Variants in TEX15 observed in about 807,000 individuals in gnomAD.
TEX15 encodes testis-expressed protein 15.
In TEX15, 171 loss-of-function variants were observed where a neutral mutation model predicts 237.3. That is an observed-to-expected ratio of 0.72 (90% CI 0.64 to 0.82). The LOEUF (loss-of-function observed/expected upper bound fraction) is 0.82, where lower values mean the gene tolerates loss of function less well. Among genes scored for constraint, TEX15 ranks in the 40% least tolerant of loss-of-function variants. TEX15 has a pLI of 0.00. For synonymous variants in TEX15, 1,338 were observed against 1,269.8 expected, an observed-to-expected ratio of 1.05 and a Z score of -1.14; for missense variants, 3,750 against 3,646.5, an observed-to-expected ratio of 1.03 and a Z score of -0.73.
At chr8:30,892,150 C>G (rs1808807008) in intron 2 of TEX15, among the ~76,000 whole-genome samples, 1 of 152,116 alleles carries the variant, frequency 6.6e-6, no homozygotes, top group South Asian at 2.1e-4. Flanking sequence ...ACCTTTAAGT[C>G]TTTACTTTGC....
rs1381094759 is a variant in TEX15, at chr8:30,860,073, C to G, written c.541-16G>C. 109 of 1,370,810 alleles carry G rather than the reference C, an allele frequency of 8.0e-5. No individual in the cohort carries two copies. Among genetic ancestry groups the G allele is most frequent in the Non-Finnish European group, 1.0e-4 (107 of 1,042,442 alleles). 84.9% of individuals were successfully genotyped at this position (1,370,810 alleles called of 1,614,324 possible). A position where few individuals can be genotyped will look rare whatever the true frequency, so the allele number is the denominator to read the frequency against. ...CAAAGAGAACCTAAAAAAAAAAAAGCCAAAAAAAAAGTACGTAAAAATATA... is the reference window on the plus strand; with the variant it reads ...CAAAGAGAACCTAAAAAAAAAAAAGGCAAAAAAAAAGTACGTAAAAATATA... On this transcript the variant is annotated splice_polypyrimidine_tract_variant and intron_variant, in intron 5 of 10. Coordinates refer to ENST00000643185, the MANE Select transcript of TEX15 (RefSeq NM_001350162.2).
At chr8:30,858,580 G>T in intron 7 of TEX15, 88 bp downstream of exon 7, 3 of 1,192,322 alleles carry the variant, frequency 2.5e-6, no homozygotes, top group Non-Finnish European at 3.4e-6. Context: ...TTACAGGTGT[G>T]AACCATTGTG....
intron 3 of TEX15, among the ~76,000 whole-genome samples, chr8:30,883,839 G>T (rs1246530134): frequency 1.3e-5 from 2 of 152,188 alleles, no homozygotes; most frequent in Middle Eastern, 3.2e-3. Context: ...ATGGCAGAAT[G>T]ATTTATATTC....
At position 30,837,158 on chromosome 8, in the gene TEX15, A is replaced by C. The variant is rs1169473023; in HGVS notation, c.9126T>G (p.Ser3042=). 2 of 1,614,094 alleles carry C rather than the reference A, an allele frequency of 1.2e-6. No homozygotes were observed. Among genetic ancestry groups the C allele is most frequent in the South Asian group, 1.1e-5 (1 of 91,080 alleles). ...TGCTGTACTGATAAACACACCAAGC[A>C]GAGTATGGATATGAAGTTCCAAATA... ...EHLFGTSYPY[S]AWCVYQYSNS... Residue 3042 remains serine, a synonymous_variant, in exon 10 of 11, where the codon TCT becomes TCG. Transcript: ENST00000643185.
At chr8:30,881,729 C>T (rs911357148) in intron 3 of TEX15, among the ~76,000 whole-genome samples, 2 of 150,858 alleles carry the variant, frequency 1.3e-5, no homozygotes, top group African/African-American at 4.9e-5. Context: ...TCACACGATT[C>T]TCCTGTCTCA....
Position 30,842,101 on chromosome 8 carries a change from G to T in TEX15, c.8066C>A (p.Ser2689Ter), listed in dbSNP as rs761374106. ...PVSECINKNI[S>*]NSSKKRPSTV... is the part of the protein sequence containing the mutation. ...GCTCGGTCGTTTTTTAGAGGAATTT[G>T]AGATGTTTTTGTTTATGCACTCTGA... Residue 2689 changes from serine to a stop codon, truncating the protein, a stop_gained, in exon 8 of 11, where the codon TCA (serine) becomes TAA (stop). Transcript: ENST00000643185. LOFTEE classifies it high-confidence loss of function. 6.2e-7 allele frequency: 1 copy of T among 1,612,780 alleles called. No individual in the cohort carries two copies. The highest frequency in any genetic ancestry group is 8.5e-7 in the Non-Finnish European group (1 of 1,179,322).
chr8:30,864,572 T>C (rs1808117814), intron 5 of TEX15, among the ~76,000 whole-genome samples: 1 of 140,128 alleles, frequency 7.1e-6, no homozygotes, highest in East Asian at 2.1e-4. Flanking sequence ...CAGCAAACTA[T>C]CCTTCAGAAA....
chr8:30,885,297 TG>T (rs1166992308), intron 3 of TEX15, among the ~76,000 whole-genome samples: 1 of 152,116 alleles, frequency 6.6e-6, no homozygotes, highest in East Asian at 1.9e-4. Context: ...GACTGAACTA[TG>T]GGGGCAAGTC....
chr8:30,862,301 G>C (rs1808067686), intron 5 of TEX15, among the ~76,000 whole-genome samples: 1 of 152,032 alleles, frequency 6.6e-6, no homozygotes, highest in Admixed American at 6.5e-5. Flanking sequence ...AGAATTTGTT[G>C]GGCAAATATG....
At chr8:30,879,927 CTTTTTTT>C (rs55942711) in intron 3 of TEX15, among the ~76,000 whole-genome samples, 1 of 136,772 alleles carries the variant, frequency 7.3e-6, no homozygotes, top group Non-Finnish European at 1.5e-5. Context: ...TTTAGATTTC[CTTTTTTT>C]TTTTAAAAAA....
At chr8:30,909,394 A>ACCCCCCCCCCCCCCCCCCCCCC (rs35046956) in intron 1 of TEX15, among the ~76,000 whole-genome samples, 12 of 118,340 alleles carry the variant, frequency 1.0e-4, no homozygotes, top group African/African-American at 1.8e-4. Context: ...TTAAAGACAG[A>ACCCCCCCCCCCCCCCCCCCCCC]CCCCCCCCCG....
intron 1 of TEX15, among the ~76,000 whole-genome samples, chr8:30,912,265 C>T (rs1809237815): frequency 6.6e-6 from 1 of 152,172 alleles, no homozygotes. Flanking sequence ...GGGCGGCGTT[C>T]CCCGCCCTAG....
rs1210613057 is a variant in TEX15, at chr8:30,832,972, A to C, written c.*314T>G. On this transcript the variant is annotated 3_prime_UTR_variant, in exon 11 of 11. Transcript: ENST00000643185. The stretch of plus-strand genomic sequence containing the variant: ...TCCTGCTTTCAGCTCAAATGGCACA[A>C]TGCCATCAACAATGTATTGAAACAT... 5.3e-6 allele frequency: 1 copy of C among 186,942 alleles called. No homozygotes were observed. The highest frequency in any genetic ancestry group is 1.1e-5 in the Non-Finnish European group (1 of 91,274). The allele number at this position is 186,942 out of a possible 1,614,324, so 11.6% of individuals were successfully genotyped here. A position where few individuals can be genotyped will look rare whatever the true frequency, so the allele number is the denominator to read the frequency against.
intron 7 of TEX15, among the ~76,000 whole-genome samples, chr8:30,853,681 T>A (rs1026311175): frequency 6.6e-6 from 1 of 152,144 alleles, no homozygotes; most frequent in Non-Finnish European, 1.5e-5. Flanking sequence ...CTGGAACCAA[T>A]CCTCCCTGAC....
chr8:30,896,510 A>C (rs993587568), intron 2 of TEX15, among the ~76,000 whole-genome samples: 2 of 152,042 alleles, frequency 1.3e-5, no homozygotes, highest in Non-Finnish European at 2.9e-5. Context: ...TAATAATTCC[A>C]GTAGTTACCT....
chr8:30,898,496 G>A (rs887310111), intron 2 of TEX15, among the ~76,000 whole-genome samples: 4 of 152,120 alleles, frequency 2.6e-5, no homozygotes, highest in Non-Finnish European at 5.9e-5. Context: ...ATAAATTTAT[G>A]TTGTTTATGA....
At chr8:30,893,774 T>C (rs1206473415) in intron 2 of TEX15, among the ~76,000 whole-genome samples, 1 of 152,236 alleles carries the variant, frequency 6.6e-6, no homozygotes, top group Non-Finnish European at 1.5e-5. Flanking sequence ...TCCTGCATTT[T>C]CATCATGATG....
Position 30,832,793 on chromosome 8 carries a change from G to A in TEX15, c.*493C>T, listed in dbSNP as rs889977562. 2 of 152,210 alleles carry A rather than the reference G, an allele frequency of 1.3e-5. No individual in the cohort carries two copies. Among genetic ancestry groups the A allele is most frequent in the African/African-American group, 2.4e-5 (1 of 41,438 alleles). The allele number at this position is 152,210 out of a possible 1,614,324, so 9.4% of individuals were successfully genotyped here. On this transcript the variant is annotated 3_prime_UTR_variant, in exon 11 of 11. Coordinates refer to ENST00000643185, the MANE Select transcript of TEX15 (RefSeq NM_001350162.2). ...CTACTCAAGGAAACACTGAGATTATGCAAACCAATTTTTCTTATTAAAAAT... is the reference window on the plus strand; with the variant it reads ...CTACTCAAGGAAACACTGAGATTATACAAACCAATTTTTCTTATTAAAAAT...
At chr8:30,859,012 T>A (rs999501638) in intron 6 of TEX15, among the ~76,000 whole-genome samples, 182 bp from the exon 7 acceptor site, 1 of 150,962 alleles carries the variant, frequency 6.6e-6, no homozygotes, top group African/African-American at 2.4e-5. Context: ...TCCCCCACAA[T>A]TTTTTTTTGA....
Sources: allele counts gnomAD v4.1 joint callset (sites outside exome capture counted in the v4.1 genomes callset), GRCh38; gene constraint gnomAD v4.1.1; transcripts MANE v1.5; gene names NCBI Gene and HGNC (gene_info 2026-07-23, HGNC 2026-07-21).